The following NHSL1 variants were observed in gnomAD, a reference collection of about 807,000 sequenced individuals.
NHSL1 encodes NHS like 1, also known as NHS-like protein 1.
Under a neutral mutation model 95.0 loss-of-function variants are expected in NHSL1, and 48 were observed. That is an observed-to-expected ratio of 0.51 (90% confidence interval 0.40 to 0.64). The LOEUF is 0.64. NHSL1 is among the 30% of genes least tolerant of loss of function. NHSL1 has a pLI of 0.00. For missense variants in NHSL1, 1,971 were observed against 2,077.7 expected (o/e 0.95, Z 1.00); for synonymous variants, 783 against 833.9 (o/e 0.94, Z 1.05).
At chr6:138,429,938 G>T in intron 6 of NHSL1, 95 bp from the exon 7 acceptor site, 1 of 1,257,564 alleles carries the variant, frequency 8.0e-7, no homozygotes, top group South Asian at 1.5e-5. Context: ...TGCCATTCCC[G>T]ACAATGTGAG....
intron 1 of NHSL1, among the ~76,000 whole-genome samples, chr6:138,585,649 G>A (rs892699752): frequency 2.6e-5 from 4 of 151,878 alleles, no homozygotes; most frequent in African/African-American, 9.7e-5. Flanking sequence ...AAAAAAAAGT[G>A]AACACAGAAG....
intron 1 of NHSL1, among the ~76,000 whole-genome samples, chr6:138,497,586 C>A (rs1176161569): frequency 1.2e-4 from 19 of 152,312 alleles, no homozygotes. Context: ...ATTCACTAAA[C>A]ATACTCTATA....
At chr6:138,486,656 G>A (rs898125436) in intron 2 of NHSL1, among the ~76,000 whole-genome samples, 3 of 151,942 alleles carry the variant, frequency 2.0e-5, no homozygotes, top group African/African-American at 7.3e-5. Context: ...CTTGTTCCCC[G>A]GCTTTGACTC....
intron 2 of NHSL1, 29 bp from the exon 3 acceptor site, chr6:138,473,462 G>T: frequency 7.2e-7 from 1 of 1,388,694 alleles, no homozygotes; most frequent in Non-Finnish European, 9.4e-7. Flanking sequence ...GGAGGGGAAG[G>T]AGGCCATTAA....
rs1222063734 is a variant in NHSL1 at position 138,424,604 on chromosome 6, C to A, written c.4298G>T (p.Ser1433Ile). ...CATCTCTGCTGCAGACATGCGGGCG[C>A]TGGTGTCTGAACGACTGCCCTTTTT... Reference protein sequence around the residue: ...LLKKGSRSDTSARMSAAEMLK... With the variant: ...LLKKGSRSDTIARMSAAEMLK... Residue 1433 changes from serine (S) to isoleucine (I), a missense_variant, in exon 8 of 8, where the codon AGC (serine) becomes ATC (isoleucine). Transcript: ENST00000343505. The surrounding 1 kb of genome is among the most constrained non-coding windows in gnomAD (Gnocchi z 5.9). 2 of 1,551,662 alleles carry A rather than the reference C, an allele frequency of 1.3e-6. No individual in the cohort carries two copies.
rs151162474 is a variant in NHSL1 at position 138,674,058 on chromosome 6, T to C, written c.96+18418A>G. ...GGATTACAGATACAAAGCTATAAAC[T>C]AAGGTATGGTATTCAAAGCAAGGAT... On this transcript the variant is annotated intron_variant, in intron 1 of 3. Coordinates refer to the NHSL1 transcript ENST00000491526. Among the ~76,000 whole-genome samples the C allele has an allele frequency of 4.1e-3, 629 of 152,310 alleles. 3 individuals are homozygous for C. Among genetic ancestry groups the C allele is most frequent in the African/African-American group, 0.014 (596 of 41,556 alleles).
At chr6:138,442,656 C>T (rs187087429) in intron 4 of NHSL1, among the ~76,000 whole-genome samples, 2 of 152,278 alleles carry the variant, frequency 1.3e-5, no homozygotes, top group East Asian at 1.9e-4. Context: ...GTGTGACATA[C>T]AACTATAGTG....
intron 2 of NHSL1, among the ~76,000 whole-genome samples, chr6:138,476,908 A>G (rs1003514414): frequency 2.0e-5 from 3 of 150,206 alleles, no homozygotes; most frequent in African/African-American, 7.4e-5. Flanking sequence ...AAAGCTCACC[A>G]TTACACAATA....
upstream of NHSL1, among the ~76,000 whole-genome samples, chr6:138,503,259 T>C (rs959952603): frequency 7.9e-5 from 12 of 152,176 alleles, no homozygotes; most frequent in South Asian, 1.9e-3. Flanking sequence ...CTCTCCTGCA[T>C]ATGATGGCTC....
intron 1 of NHSL1, among the ~76,000 whole-genome samples, chr6:138,686,492 T>C (rs770752211): frequency 1.3e-5 from 2 of 152,144 alleles, no homozygotes; most frequent in Non-Finnish European, 2.9e-5. Context: ...AAAAAAATAA[T>C]AATAAAATAA....
intron 1 of NHSL1, among the ~76,000 whole-genome samples, chr6:138,525,019 C>T (rs369605117): frequency 3.3e-5 from 5 of 152,038 alleles, no homozygotes; most frequent in Admixed American, 6.6e-5. Context: ...GGCAAATGGG[C>T]GGCTACGAAC....
chr6:138,496,464 C>T (rs1056475635), intron 1 of NHSL1, 93 bp from the exon 2 acceptor site: 45 of 1,278,258 alleles, frequency 3.5e-5, no homozygotes, highest in East Asian at 2.5e-4. Flanking sequence ...AACACATCCA[C>T]GGGTAAGGGC....
intron 3 of NHSL1, among the ~76,000 whole-genome samples, chr6:138,462,318 G>A (rs1272147360): frequency 1.3e-5 from 2 of 152,178 alleles, no homozygotes; most frequent in Non-Finnish European, 2.9e-5. Context: ...CATATGCAAT[G>A]AGGGGAGGAT....
At chr6:138,634,839 T>C (rs1784867691) in intron 1 of NHSL1, among the ~76,000 whole-genome samples, 2 of 150,028 alleles carry the variant, frequency 1.3e-5, no homozygotes, top group Non-Finnish European at 3.0e-5. Context: ...AAAAGTAATA[T>C]CAAACATCTC....
rs1410065332 is a variant in NHSL1, at chr6:138,424,423, G to A, written c.4479C>T (p.Ser1493=). The change falls in exon 8 of 8, where the codon TCC becomes TCT. Residue 1493 remains serine, a synonymous_variant. Coordinates refer to ENST00000343505, the MANE Select transcript of NHSL1 (RefSeq NM_001144060.2). The surrounding 1 kb of genome is among the most constrained non-coding windows in gnomAD (Gnocchi z 5.9). ...TTCGGCTGCGGCCGTACCTGGGGCC[G>A]GAAAAGGACAGACTCCGAGGCATCA... The part of the protein sequence containing the change: ...EGLMPRSLSF[S]GPRYGRSRTP... 9.7e-6 allele frequency: 15 copies of A among 1,549,992 alleles called. No individual in the cohort carries two copies. Among genetic ancestry groups the A allele is most frequent in the African/African-American group, 1.4e-5 (1 of 72,978 alleles).
intron 1 of NHSL1, among the ~76,000 whole-genome samples, chr6:138,606,699 T>C (rs1162142050): frequency 7.8e-6 from 1 of 127,610 alleles, no homozygotes; most frequent in Non-Finnish European, 1.6e-5. Flanking sequence ...TCTTTCTTTC[T>C]TTCTTTTTTT....
In NHSL1 at chr6:138,422,851, C is replaced by A. The variant is rs890324192; in HGVS notation, c.*1230G>T. Reference sequence around the variant, plus strand: ...TTCCCAGGGCTAATTGATAGCCAGGCCCTACCAATTTTTATCAGTTTATTT... The same window carrying A: ...TTCCCAGGGCTAATTGATAGCCAGGACCTACCAATTTTTATCAGTTTATTT... On this transcript the variant is annotated 3_prime_UTR_variant, in exon 8 of 8. Transcript: ENST00000343505. 6 of 152,116 alleles carry A rather than the reference C, an allele frequency of 3.9e-5. No individual in the cohort carries two copies. The East Asian group carries it at 1.2e-3, about 29-fold the overall frequency. The allele number at this position is 152,116 out of a possible 1,614,324, so 9.4% of individuals were successfully genotyped here.
At chr6:138,619,897 G>A (rs1314132463) in intron 1 of NHSL1, among the ~76,000 whole-genome samples, 5 of 142,800 alleles carry the variant, frequency 3.5e-5, no homozygotes, top group Non-Finnish European at 7.5e-5. Context: ...GCAGTGAGCT[G>A]AGATCGTGCC....
chr6:138,545,622 C>A lies in NHSL1; in HGVS notation c.16+1G>T. 7.8e-7 allele frequency: 1 copy of A among 1,289,362 alleles called. No homozygotes were observed. Among genetic ancestry groups the A allele is most frequent in the Middle Eastern group, 2.1e-4 (1 of 4,696 alleles). 79.9% of individuals were successfully genotyped at this position (1,289,362 alleles called of 1,614,324 possible). A position where few individuals can be genotyped will look rare whatever the true frequency, so the allele number is the denominator to read the frequency against. On this transcript the variant is annotated splice_donor_variant, in intron 1 of 4. Transcript: ENST00000342260. LOFTEE classifies it high-confidence loss of function. ...CCCAAATGGACACGAAGTCCCCTCA[C>A]CTTTCAGACAGAACATTCTGCAGCA...
Sources: gnomAD v4.1 joint callset for allele counts (sites outside exome capture counted in the v4.1 genomes callset) on GRCh38, gnomAD v4.1.1 for gene constraint, Gnocchi (gnomAD v3.1) non-coding constraint, MANE v1.5 for transcripts, NCBI Gene and HGNC (gene_info 2026-07-23, HGNC 2026-07-21) for gene names.